Variants in SLC9A2 observed in about 807,000 individuals in gnomAD.
The protein encoded by SLC9A2 is solute carrier family 9 member A2.
Under a neutral mutation model 71.7 loss-of-function variants are expected in SLC9A2, and 42 were observed. The ratio of observed to expected loss-of-function variants is 0.59; its 90% CI spans 0.46 to 0.76. The LOEUF is 0.76. Among genes scored for constraint, SLC9A2 ranks in the 30% least tolerant of loss-of-function variants. The pLI, the probability that SLC9A2 is intolerant of heterozygous loss-of-function variation, is 0.00. For missense variants in SLC9A2, 829 were observed against 1,017.4 expected, an observed-to-expected ratio of 0.81 and a Z score of 2.52; for synonymous variants, 396 against 392.5, an observed-to-expected ratio of 1.01 and a Z score of -0.10.
At chr2:102,651,633 C>T (rs763126222) in intron 1 of SLC9A2, among the ~76,000 whole-genome samples, 46 of 152,212 alleles carry the variant, frequency 3.0e-4, no homozygotes, top group Non-Finnish European at 5.6e-4. Context: ...CTGCTCTCTG[C>T]TTTTGTCTGC....
At chr2:102,648,287 C>A (rs544788870) in intron 1 of SLC9A2, among the ~76,000 whole-genome samples, 8 of 152,136 alleles carry the variant, frequency 5.3e-5, no homozygotes, top group Non-Finnish European at 1.2e-4. Flanking sequence ...CAATAAAATT[C>A]AACACCCCTT....
chr2:102,655,579 G>A lies in SLC9A2; in HGVS notation c.290-1985G>A, dbSNP rs532822581. ...TCTACACAGGGTCAGGATCATAAAG[G>A]TGTCACTAGGCAACAGGAATTTTTC... On this transcript the variant is annotated intron_variant, in intron 1 of 11. Coordinates refer to ENST00000233969, the MANE Select transcript of SLC9A2 (RefSeq NM_003048.6). Among the ~76,000 whole-genome samples the A allele has an allele frequency of 2.0e-5, 3 of 152,270 alleles. No homozygotes were observed. The South Asian group carries it at 6.2e-4, about 32-fold the overall frequency.
At position 102,695,257 on chromosome 2, in the gene SLC9A2, C is replaced by G. The variant is rs1012831584; in HGVS notation, c.1586+144C>G. The G allele has an allele frequency of 4.1e-5, 25 of 614,068 alleles. 1 individual carries two copies. Among genetic ancestry groups the G allele is most frequent in the East Asian group, 2.3e-4 (8 of 35,436 alleles). The allele number at this position is 614,068 out of a possible 1,614,324, so 38.0% of individuals were successfully genotyped here. On this transcript the variant is annotated intron_variant, in intron 7 of 11. Coordinates refer to ENST00000233969, the MANE Select transcript of SLC9A2 (RefSeq NM_003048.6). ...CCTCTAAGATAAAGTTCAGCTATAA[C>G]AGAGATGTGGAATAATAGTAGCTTA...
chr2:102,677,980 T>C (rs1299558064), intron 3 of SLC9A2, among the ~76,000 whole-genome samples: 1 of 134,610 alleles, frequency 7.4e-6, no homozygotes, highest in Non-Finnish European at 1.7e-5. Context: ...CCTTTGCATA[T>C]GGCTGCTGCT....
chr2:102,665,076 A>G (rs771371652), intron 2 of SLC9A2, 24 bp from the exon 3 acceptor site: 5 of 1,593,592 alleles, frequency 3.1e-6, no homozygotes, highest in Non-Finnish European at 1.7e-6. Flanking sequence ...GGGTCTTGAC[A>G]AGGTGTTTTT....
At chr2:102,644,253 A>C (rs548506665) in intron 1 of SLC9A2, among the ~76,000 whole-genome samples, 1 of 152,120 alleles carries the variant, frequency 6.6e-6, no homozygotes, top group African/African-American at 2.4e-5. Flanking sequence ...CCCCTAGCCA[A>C]AGGACGCTGT....
intron 3 of SLC9A2, among the ~76,000 whole-genome samples, chr2:102,681,867 T>A (rs776458241): frequency 2.0e-5 from 3 of 152,212 alleles, no homozygotes; most frequent in Non-Finnish European, 2.9e-5. Context: ...AACAGATATG[T>A]TACTTGCAAT....
At chr2:102,645,549 C>G (rs1266941827) in intron 1 of SLC9A2, among the ~76,000 whole-genome samples, 2 of 151,930 alleles carry the variant, frequency 1.3e-5, no homozygotes, top group East Asian at 3.9e-4. Context: ...AAGCTAAGAG[C>G]CTTGATAAAA....
chr2:102,621,089 G>T (rs147327582), intron 1 of SLC9A2, among the ~76,000 whole-genome samples: 26 of 152,082 alleles, frequency 1.7e-4, no homozygotes, highest in African/African-American at 5.6e-4. Context: ...CCAGGAGGCG[G>T]AGGTTGCATT....
At chr2:102,683,132 A>C in intron 3 of SLC9A2, 129 bp from the exon 4 acceptor site, 4 of 696,988 alleles carry the variant, frequency 5.7e-6, no homozygotes, top group South Asian at 1.7e-5. Context: ...TTCACCTATA[A>C]AAATCATTCG....
intron 3 of SLC9A2, among the ~76,000 whole-genome samples, chr2:102,669,095 G>A (rs1292446173): frequency 6.6e-6 from 1 of 152,208 alleles, no homozygotes; most frequent in Non-Finnish European, 1.5e-5. Flanking sequence ...CACCTCGGGT[G>A]TTCATAAAGT....
At chr2:102,655,653 T>C (rs989955919) in intron 1 of SLC9A2, among the ~76,000 whole-genome samples, 2 of 152,258 alleles carry the variant, frequency 1.3e-5, no homozygotes, top group Non-Finnish European at 2.9e-5. Context: ...TGGTCAATTG[T>C]TCACTGAAAC....
chr2:102,651,755 C>A (rs1676839241), intron 1 of SLC9A2, among the ~76,000 whole-genome samples: 1 of 152,194 alleles, frequency 6.6e-6, no homozygotes, highest in South Asian at 2.1e-4. Context: ...CACATTGCTA[C>A]ACCCCAGCAC....
intron 1 of SLC9A2, among the ~76,000 whole-genome samples, chr2:102,639,982 G>C (rs1042322431): frequency 1.3e-5 from 2 of 152,194 alleles, no homozygotes; most frequent in African/African-American, 4.8e-5. Flanking sequence ...AATAATTAAA[G>C]ATCAGAGAAA....
Position 102,620,213 on chromosome 2 carries a change from G to A in SLC9A2, c.289+76G>A, listed in dbSNP as rs892279857. ...ACCTGGAGGGTGACCGGGTCAGCCA[G>A]CTGACCTCTAGATAGTGACCGCCTC... On this transcript the variant is annotated intron_variant, in intron 1 of 11. Transcript: ENST00000233969. 3.7e-6 allele frequency: 5 copies of A among 1,346,866 alleles called. No individual in the cohort carries two copies. In the African/African-American group the frequency reaches 7.3e-5, roughly 20 times the overall value. 83.4% of individuals were successfully genotyped at this position (1,346,866 alleles called of 1,614,324 possible).
intron 3 of SLC9A2, among the ~76,000 whole-genome samples, chr2:102,681,363 T>C (rs1005883133): frequency 6.6e-6 from 1 of 152,034 alleles, no homozygotes; most frequent in East Asian, 1.9e-4. Context: ...TGAGCCACCA[T>C]GCCCGGCCCA....
At chr2:102,700,866 C>T (rs534646867) in intron 7 of SLC9A2, among the ~76,000 whole-genome samples, 23 of 151,736 alleles carry the variant, frequency 1.5e-4, no homozygotes, top group South Asian at 6.3e-4. Flanking sequence ...CATATACATA[C>T]GCATACACAT....
At chr2:102,624,414 G>A (rs1676205193) in intron 1 of SLC9A2, among the ~76,000 whole-genome samples, 1 of 152,106 alleles carries the variant, frequency 6.6e-6, no homozygotes, top group Non-Finnish European at 1.5e-5. Flanking sequence ...TGGAATAATG[G>A]GTAGCCAAAG....
At position 102,635,559 on chromosome 2, in the gene SLC9A2, C is replaced by T. The variant is rs534085911; in HGVS notation, c.289+15422C>T. ...ATCTGATTATTTATGTGTGAGTTGGCTGTTCACTCGCTGTCCATCCCTCCT... is the reference window on the plus strand; with the variant it reads ...ATCTGATTATTTATGTGTGAGTTGGTTGTTCACTCGCTGTCCATCCCTCCT... On this transcript the variant is annotated intron_variant, in intron 1 of 11. Coordinates refer to ENST00000233969, the MANE Select transcript of SLC9A2 (RefSeq NM_003048.6). 5.9e-5 allele frequency among the ~76,000 whole-genome samples: 9 copies of T among 152,344 alleles called. No individual in the cohort carries two copies. In the East Asian group the frequency reaches 1.7e-3, roughly 29 times the overall value.
Sources: gnomAD v4.1 joint callset for allele counts (sites outside exome capture counted in the v4.1 genomes callset) on GRCh38, gnomAD v4.1.1 for gene constraint, MANE v1.5 for transcripts, NCBI Gene and HGNC (gene_info 2026-07-23, HGNC 2026-07-21) for gene names.